Variants in PCBD2 observed in about 807,000 individuals in gnomAD.
The protein encoded by PCBD2 is pterin-4-alpha-carbinolamine dehydratase 2.
A neutral mutation model predicts 16.4 loss-of-function variants in PCBD2; 12 were observed. The ratio of observed to expected loss-of-function variants is 0.73; its 90% CI spans 0.47 to 1.19. The LOEUF (loss-of-function observed/expected upper bound fraction) is 1.19, where lower values mean the gene tolerates loss of function less well. Ranked by LOEUF, PCBD2 falls within the 50% of genes most tolerant of loss-of-function variation. PCBD2 has a pLI of 0.00. For missense variants in PCBD2, 138 were observed against 156.8 expected (o/e 0.88, Z 0.64); for synonymous variants, 58 against 61.8 (o/e 0.94, Z 0.29).
chr5:134,922,256 T>C (rs1750913343), intron 2 of PCBD2, among the ~76,000 whole-genome samples: 1 of 152,194 alleles, frequency 6.6e-6, no homozygotes, highest in African/African-American at 2.4e-5. Flanking sequence ...TCACCCAGGT[T>C]GCAGCCTGGA....
intron 1 of PCBD2, among the ~76,000 whole-genome samples, chr5:134,907,645 C>T (rs989044540): frequency 4.0e-5 from 6 of 151,406 alleles, no homozygotes; most frequent in African/African-American, 9.7e-5. Flanking sequence ...TTAATTGAGT[C>T]GGAGTTTCAC....
At position 134,960,731 on chromosome 5, in the gene PCBD2, A is replaced by G. The variant is rs1751465423; in HGVS notation, c.*50A>G. ...CTTGTACACATCTTAGCTGCAATGT[A>G]TGTTGAAGGAAATTTATGTGAACAA... is the stretch of plus-strand genomic sequence containing the variant. On this transcript the variant is annotated 3_prime_UTR_variant, in exon 4 of 4. Coordinates refer to ENST00000254908, the MANE Select transcript of PCBD2 (RefSeq NM_032151.5). The G allele has an allele frequency of 5.1e-6, 7 of 1,374,396 alleles. No individual in the cohort carries two copies. Among genetic ancestry groups the G allele is most frequent in the Non-Finnish European group, 7.2e-6 (7 of 971,004 alleles). 85.1% of individuals were successfully genotyped at this position (1,374,396 alleles called of 1,614,324 possible). A position where few individuals can be genotyped will look rare whatever the true frequency, so the allele number is the denominator to read the frequency against.
Position 134,933,292 on chromosome 5 carries a change from G to A in PCBD2, c.216+22826G>A, listed in dbSNP as rs190871099. Among the ~76,000 whole-genome samples, 15 of 152,288 alleles carry A rather than the reference G, an allele frequency of 9.8e-5. No homozygotes were observed. The East Asian group carries it at 2.9e-3, about 29-fold the overall frequency. ...CACTGTGTCACCTATGCAGGATTCA[G>A]TAGTGCCATCTTGGCTCACTGCAGC... On this transcript the variant is annotated intron_variant, in intron 2 of 3. Coordinates refer to ENST00000254908, the MANE Select transcript of PCBD2 (RefSeq NM_032151.5).
At chr5:134,950,031 C>A (rs568145125) in intron 2 of PCBD2, among the ~76,000 whole-genome samples, 1 of 152,118 alleles carries the variant, frequency 6.6e-6, no homozygotes, top group South Asian at 2.1e-4. Flanking sequence ...TGTTTCAAGA[C>A]GTGAAGAAAT....
intron 1 of PCBD2, among the ~76,000 whole-genome samples, chr5:134,908,168 C>T (rs1029175381): frequency 1.5e-4 from 22 of 151,410 alleles, no homozygotes; most frequent in Non-Finnish European, 3.1e-4. Context: ...ATGATCCTCC[C>T]ACCTCAGCTT....
intron 1 of PCBD2, 25 bp from the exon 2 acceptor site, chr5:134,910,310 G>C: frequency 6.2e-7 from 1 of 1,605,142 alleles, no homozygotes; most frequent in Non-Finnish European, 8.5e-7. Context: ...TACATTTTCA[G>C]ATATGAAATG....
At chr5:134,953,473 T>C (rs1751381458) in intron 2 of PCBD2, among the ~76,000 whole-genome samples, 1 of 151,684 alleles carries the variant, frequency 6.6e-6, no homozygotes, top group Non-Finnish European at 1.5e-5. Context: ...TAAAATTATA[T>C]ACCTATAATT....
At chr5:134,920,569 G>A (rs934214546) in intron 2 of PCBD2, among the ~76,000 whole-genome samples, 2 of 152,080 alleles carry the variant, frequency 1.3e-5, no homozygotes, top group African/African-American at 4.8e-5. Context: ...TCATTTAATT[G>A]TATCATTAAA....
At chr5:134,916,730 G>A (rs1431420918) in intron 2 of PCBD2, among the ~76,000 whole-genome samples, 1 of 152,222 alleles carries the variant, frequency 6.6e-6, no homozygotes, top group African/African-American at 2.4e-5. Context: ...TTATAAGTAC[G>A]GAGTTTTCAA....
chr5:134,923,384 G>A (rs74625773), intron 2 of PCBD2: 1 of 190,474 alleles, frequency 5.3e-6, no homozygotes, highest in Non-Finnish European at 1.1e-5. Flanking sequence ...TTGTGTAGTA[G>A]GGGTGGAAGG....
At chr5:134,948,491 T>C (rs1419685704) in intron 2 of PCBD2, among the ~76,000 whole-genome samples, 1 of 152,192 alleles carries the variant, frequency 6.6e-6, no homozygotes, top group Admixed American at 6.5e-5. Context: ...AGTGGATTTA[T>C]ATTAATATAC....
At chr5:134,958,200 T>C (rs1332326794) in intron 2 of PCBD2, among the ~76,000 whole-genome samples, 2 of 152,216 alleles carry the variant, frequency 1.3e-5, no homozygotes, top group Non-Finnish European at 2.9e-5. Context: ...AGACAGACTC[T>C]CCTATTGTTT....
intron 2 of PCBD2, chr5:134,924,194 T>C (rs1033290232): frequency 2.5e-6 from 1 of 396,814 alleles, no homozygotes; most frequent in Non-Finnish European, 4.5e-6. Context: ...CTAAGCCTTC[T>C]CCTATTTATG....
intron 2 of PCBD2, among the ~76,000 whole-genome samples, chr5:134,947,066 T>C (rs1751303576): frequency 6.6e-6 from 1 of 152,106 alleles, no homozygotes; most frequent in African/African-American, 2.4e-5. Flanking sequence ...GGGAGTAGAC[T>C]GTCATTTTGC....
At chr5:134,953,678 A>G (rs1172286970) in intron 2 of PCBD2, among the ~76,000 whole-genome samples, 1 of 151,940 alleles carries the variant, frequency 6.6e-6, no homozygotes, top group Non-Finnish European at 1.5e-5. Context: ...GCACGTGCCT[A>G]TAGTCCTAGC....
chr5:134,930,900 G>A (rs903030296), intron 2 of PCBD2, among the ~76,000 whole-genome samples: 10 of 152,054 alleles, frequency 6.6e-5, no homozygotes, highest in Admixed American at 2.6e-4. Flanking sequence ...CTGGTCCAGC[G>A]TTCTTGGCTG....
chr5:134,951,422 C>G (rs1435739120), intron 2 of PCBD2, among the ~76,000 whole-genome samples: 1 of 152,098 alleles, frequency 6.6e-6, no homozygotes, highest in Non-Finnish European at 1.5e-5. Flanking sequence ...AATCAGTTCC[C>G]TGTTGATGGA....
intron 2 of PCBD2, among the ~76,000 whole-genome samples, chr5:134,958,608 T>A (rs1308313341): frequency 6.6e-6 from 1 of 152,204 alleles, no homozygotes. Flanking sequence ...TTTTCCATAG[T>A]CTTGTGGGTT....
chr5:134,916,168 C>T (rs918351399), intron 2 of PCBD2, among the ~76,000 whole-genome samples: 32 of 152,178 alleles, frequency 2.1e-4, no homozygotes, highest in African/African-American at 7.7e-4. Flanking sequence ...CACCTGTGGT[C>T]TCAGTTACAT....
Sources: gnomAD v4.1 joint callset for allele counts (sites outside exome capture counted in the v4.1 genomes callset) on GRCh38, gnomAD v4.1.1 for gene constraint, MANE v1.5 for transcripts, NCBI Gene and HGNC (gene_info 2026-07-23, HGNC 2026-07-21) for gene names.